Variants in NKAIN2 observed in about 807,000 individuals in gnomAD.
NKAIN2 encodes the protein sodium/potassium-transporting ATPase subunit beta-1-interacting protein 2.
In NKAIN2, 14 loss-of-function variants were observed where a neutral mutation model predicts 32.6. The observed-to-expected ratio is 0.43, with a 90% CI of 0.28 to 0.67. The LOEUF is 0.67. NKAIN2 is among the 30% of genes least tolerant of loss of function. The pLI, the probability that NKAIN2 is intolerant of heterozygous loss-of-function variation, is 0.17. For synonymous variants in NKAIN2, 80 were observed against 87.2 expected, an observed-to-expected ratio of 0.92 and a Z score of 0.46; for missense variants, 198 against 258.3, an observed-to-expected ratio of 0.77 and a Z score of 1.60.
At chr6:124,636,807 CA>C (rs1333635149) in intron 3 of NKAIN2, among the ~76,000 whole-genome samples, 1 of 151,940 alleles carries the variant, frequency 6.6e-6, no homozygotes, top group Non-Finnish European at 1.5e-5. Flanking sequence ...TGAATTCTAC[CA>C]AACTTTTAAA....
chr6:124,678,090 A>G (rs1160910798), intron 4 of NKAIN2, among the ~76,000 whole-genome samples: 1 of 152,176 alleles, frequency 6.6e-6, no homozygotes, highest in East Asian at 1.9e-4. Context: ...ACAGTCTTAT[A>G]GAAACTACCT....
At chr6:124,614,582 T>C (rs891466317) in intron 3 of NKAIN2, among the ~76,000 whole-genome samples, 6 of 152,300 alleles carry the variant, frequency 3.9e-5, no homozygotes, top group African/African-American at 1.4e-4. Context: ...TTCTCTCTTT[T>C]CCAAAGCCTT....
chr6:124,658,138 C>G, intron 3 of NKAIN2, 48 bp from the exon 4 acceptor site: 1 of 1,431,034 alleles, frequency 7.0e-7, no homozygotes, highest in East Asian at 2.3e-5. Flanking sequence ...AGTAAGCTGA[C>G]TAACATTTAT....
At chr6:124,113,428 A>G (rs1441101838) in intron 1 of NKAIN2, among the ~76,000 whole-genome samples, 1 of 152,074 alleles carries the variant, frequency 6.6e-6, no homozygotes, top group African/African-American at 2.4e-5. Context: ...CTTTCCAAGA[A>G]GAAAGCTGAA....
At chr6:124,106,695 A>G (rs535642201) in intron 1 of NKAIN2, among the ~76,000 whole-genome samples, 1 of 152,308 alleles carries the variant, frequency 6.6e-6, no homozygotes, top group East Asian at 1.9e-4. Flanking sequence ...CTACCTCAAC[A>G]ATTTAATAAA....
chr6:124,227,812 A>G (rs540490215), intron 1 of NKAIN2, among the ~76,000 whole-genome samples: 9 of 152,172 alleles, frequency 5.9e-5, no homozygotes, highest in Non-Finnish European at 1.2e-4. Flanking sequence ...TGTGGAACAC[A>G]CAAGTATTCC....
At chr6:124,620,261 CA>C (rs1239189680) in intron 3 of NKAIN2, among the ~76,000 whole-genome samples, 1 of 152,138 alleles carries the variant, frequency 6.6e-6, no homozygotes, top group East Asian at 1.9e-4. Context: ...AATTCACATA[CA>C]GGGTAATCTT....
At chr6:124,338,871 T>G (rs1797993792) in intron 2 of NKAIN2, among the ~76,000 whole-genome samples, 1 of 150,322 alleles carries the variant, frequency 6.7e-6, no homozygotes, top group African/African-American at 2.4e-5. Context: ...ATTTTGAAAT[T>G]AATTACACTA....
chr6:124,388,756 A>C (rs1159522431), intron 3 of NKAIN2, among the ~76,000 whole-genome samples: 1 of 152,134 alleles, frequency 6.6e-6, no homozygotes, highest in African/African-American at 2.4e-5. Flanking sequence ...GAGGTTGAAC[A>C]AAGAGATGCT....
chr6:124,166,830 A>G (rs1788569113), intron 1 of NKAIN2, among the ~76,000 whole-genome samples: 3 of 146,126 alleles, frequency 2.1e-5, no homozygotes, highest in South Asian at 2.2e-4. Context: ...ATAGTTGTAG[A>G]TATGCGGCGT....
intron 1 of NKAIN2, among the ~76,000 whole-genome samples, chr6:123,988,966 G>A (rs893342793): frequency 3.0e-4 from 46 of 151,428 alleles, no homozygotes; most frequent in African/African-American, 1.0e-3. Context: ...AAGATCTTTT[G>A]TTTAAAGGTG....
Position 124,489,785 on chromosome 6 carries a change from G to A in NKAIN2, c.273+134438G>A, listed in dbSNP as rs147170690. Among the ~76,000 whole-genome samples the A allele has an allele frequency of 5.6e-3, 853 of 151,838 alleles. 2 individuals carry two copies. Among genetic ancestry groups the A allele is most frequent in the Middle Eastern group, 0.017 (5 of 294 alleles). ...ACTTGTATTGAAAATCTGGATGCTG[G>A]TGTCACCAAACATATTCATAATATA... On this transcript the variant is annotated intron_variant, in intron 3 of 6. Transcript: ENST00000368417.
chr6:123,886,992 T>C lies in NKAIN2; in HGVS notation c.54+82738T>C, dbSNP rs1582716692. Among the ~76,000 whole-genome samples the C allele has an allele frequency of 4.6e-5, 7 of 152,284 alleles. No individual in the cohort carries two copies. In the South Asian group the frequency reaches 1.0e-3, roughly 23 times the overall value. ...TACTGATTTACTGCAAATATCTGTA[T>C]GAAAGTGAGCCCATATATTAAAATC... On this transcript the variant is annotated intron_variant, in intron 1 of 6. Coordinates refer to ENST00000368417, the MANE Select transcript of NKAIN2 (RefSeq NM_001040214.3).
intron 3 of NKAIN2, among the ~76,000 whole-genome samples, chr6:124,471,465 C>G (rs890906751): frequency 6.6e-6 from 1 of 152,100 alleles, no homozygotes; most frequent in Non-Finnish European, 1.5e-5. Flanking sequence ...TAGTAAATCT[C>G]TGGCATATTC....
intron 3 of NKAIN2, among the ~76,000 whole-genome samples, chr6:124,525,868 G>A (rs1779292116): frequency 6.6e-6 from 1 of 152,088 alleles, no homozygotes; most frequent in Admixed American, 6.6e-5. Flanking sequence ...AAGACATATT[G>A]AGAAGATAAA....
At chr6:124,724,811 G>T (rs985280471) in intron 4 of NKAIN2, among the ~76,000 whole-genome samples, 6 of 152,180 alleles carry the variant, frequency 3.9e-5, no homozygotes, top group African/African-American at 1.4e-4. Flanking sequence ...TTTTGGGTTA[G>T]TTCCATCCAG....
At chr6:124,567,115 A>C (rs1296998578) in intron 3 of NKAIN2, among the ~76,000 whole-genome samples, 1 of 151,818 alleles carries the variant, frequency 6.6e-6, no homozygotes, top group Non-Finnish European at 1.5e-5. Flanking sequence ...TATCGCAAAA[A>C]CTCTTGACAG....
intron 1 of NKAIN2, among the ~76,000 whole-genome samples, chr6:123,915,802 T>G (rs1391411244): frequency 2.0e-5 from 3 of 152,130 alleles, no homozygotes; most frequent in Admixed American, 6.6e-5. Flanking sequence ...ATTTTTCACA[T>G]TTTCCTAAAT....
intron 1 of NKAIN2, among the ~76,000 whole-genome samples, chr6:123,849,411 G>A (rs1562217457): frequency 6.6e-6 from 1 of 152,152 alleles, no homozygotes; most frequent in Non-Finnish European, 1.5e-5. Context: ...CCAGGAGGAG[G>A]TGGGTGTAAT....
Sources: gnomAD v4.1 joint callset for allele counts (sites outside exome capture counted in the v4.1 genomes callset) on GRCh38, gnomAD v4.1.1 for gene constraint, MANE v1.5 for transcripts, NCBI Gene and HGNC (gene_info 2026-07-23, HGNC 2026-07-21) for gene names.